The following HHIPL2 variants were observed in gnomAD, a reference collection of about 807,000 sequenced individuals.
HHIPL2 encodes HHIP-like protein 2.
HHIPL2 carries 61 observed loss-of-function variants against 61.0 expected under a neutral mutation model. The ratio of observed to expected loss-of-function variants is 1.00; its 90% CI spans 0.81 to 1.24. The LOEUF (loss-of-function observed/expected upper bound fraction) is 1.24. Ranked by LOEUF, HHIPL2 falls within the 50% of genes most tolerant of loss-of-function variation. The probability of loss-of-function intolerance (pLI) is 0.00; values close to 1 mark genes in which losing one functional copy is unlikely to be tolerated. For synonymous variants in HHIPL2, 343 were observed against 357.4 expected (o/e 0.96, Z 0.45); for missense variants, 885 against 910.2 (o/e 0.97, Z 0.36).
chr1:222,538,244 G>GTGTGTC (rs1553270691), intron 5 of HHIPL2, among the ~76,000 whole-genome samples: 1 of 148,588 alleles, frequency 6.7e-6, no homozygotes, highest in Non-Finnish European at 1.5e-5. Context: ...GTGTGTGTGT[G>GTGTGTC]TGTGTATGTA....
chr1:222,535,251 G>C (rs1227722708), intron 5 of HHIPL2, among the ~76,000 whole-genome samples: 3 of 151,938 alleles, frequency 2.0e-5, no homozygotes, highest in African/African-American at 7.3e-5. Flanking sequence ...CAAAAATGAA[G>C]GCAAAATAAA....
At position 222,522,575 on chromosome 1, in the gene HHIPL2, C is replaced by T; in HGVS notation, c.*26G>A. Reference sequence around the variant, plus strand: ...GAGGTGGCTCTCCTCTCTCACGTCACCCTGTCGGCCACCTTGACCAATAGG... The same window carrying T: ...GAGGTGGCTCTCCTCTCTCACGTCATCCTGTCGGCCACCTTGACCAATAGG... On this transcript the variant is annotated 3_prime_UTR_variant, in exon 9 of 9. Transcript: ENST00000343410. 1 of 1,603,456 alleles carries T rather than the reference C, an allele frequency of 6.2e-7. No homozygotes were observed. Among genetic ancestry groups the T allele is most frequent in the Non-Finnish European group, 8.5e-7 (1 of 1,177,068 alleles).
intron 2 of HHIPL2, 91 bp from the exon 3 acceptor site, chr1:222,542,246 AC>A: frequency 6.7e-7 from 1 of 1,484,454 alleles, no homozygotes; most frequent in East Asian, 2.4e-5. Context: ...GGGCCAAGCC[AC>A]CGAGATTTGC....
chr1:222,528,219 A>C (rs151216788), intron 6 of HHIPL2, among the ~76,000 whole-genome samples: 148 of 152,162 alleles, frequency 9.7e-4, no homozygotes, highest in African/African-American at 3.5e-3. Context: ...ATCTTGGGAG[A>C]CCTCTTCACC....
chr1:222,543,592 T>C lies in HHIPL2; in HGVS notation c.919A>G (p.Ser307Gly). The C allele has an allele frequency of 5.6e-6, 9 of 1,614,208 alleles. No individual in the cohort carries two copies. The highest frequency in any genetic ancestry group is 7.6e-6 in the Non-Finnish European group (9 of 1,180,042). The change falls in exon 2 of 9, where the codon AGT (serine) becomes GGT (glycine). Residue 307 changes from serine (S) to glycine (G), a missense_variant. Ser to Gly is a moderately conservative substitution (Grantham distance 56). Transcript: ENST00000343410. The stretch of plus-strand genomic sequence containing the variant: ...TCAGCCCGAGAAACCTTCATCTCAC[T>C]AATTCGGATCTTTTCTACCTTCTTC... ...DKKKVEKIRI[S>G]EMKVSRADPN...
At chr1:222,532,194 T>C in intron 5 of HHIPL2, 83 bp from the exon 6 acceptor site, 1 of 1,318,008 alleles carries the variant, frequency 7.6e-7, no homozygotes, top group South Asian at 1.4e-5. Context: ...CAGAGATCCC[T>C]GAGTACTAGG....
At chr1:222,527,169 G>T in intron 6 of HHIPL2, 119 bp from the exon 7 acceptor site, 1 of 730,864 alleles carries the variant, frequency 1.4e-6, no homozygotes, top group Non-Finnish European at 2.3e-6. Context: ...TGAGCGCCAA[G>T]AACGGAATCC....
intron 3 of HHIPL2, 99 bp from the exon 4 acceptor site, chr1:222,540,440 G>T: frequency 1.1e-6 from 1 of 906,086 alleles, no homozygotes; most frequent in Admixed American, 2.7e-5. Context: ...CTGATGCCAA[G>T]AGACTGCTAA....
At chr1:222,547,029 C>G (rs1356570667) in intron 1 of HHIPL2, among the ~76,000 whole-genome samples, 1 of 152,256 alleles carries the variant, frequency 6.6e-6, no homozygotes, top group African/African-American at 2.4e-5. Context: ...CCCAAACACC[C>G]TCTTCCTACA....
At chr1:222,538,841 G>C (rs551707193) in intron 4 of HHIPL2, 67 bp from the exon 5 acceptor site, 1 of 1,570,930 alleles carries the variant, frequency 6.4e-7, no homozygotes, top group South Asian at 1.2e-5. Context: ...GGAGGAAGAA[G>C]GGGACTTTTT....
At chr1:222,538,198 GTGT>G (rs1659343347) in intron 5 of HHIPL2, among the ~76,000 whole-genome samples, 2 of 34,272 alleles carry the variant, frequency 5.8e-5, no homozygotes, top group Non-Finnish European at 4.9e-5. Context: ...TGGCTGGGGT[GTGT>G]GTGTGTGTGT....
chr1:222,533,170 G>T (rs1246333533), intron 5 of HHIPL2, among the ~76,000 whole-genome samples: 1 of 152,096 alleles, frequency 6.6e-6, no homozygotes, highest in Non-Finnish European at 1.5e-5. Flanking sequence ...TTCGAGACCA[G>T]CCTGACCAAC....
At chr1:222,537,585 TCG>T (rs1659328418) in intron 5 of HHIPL2, among the ~76,000 whole-genome samples, 1 of 148,498 alleles carries the variant, frequency 6.7e-6, no homozygotes. Flanking sequence ...TGAGCCGAGA[TCG>T]CACCACTGCA....
intron 6 of HHIPL2, among the ~76,000 whole-genome samples, chr1:222,530,128 G>C (rs780612949): frequency 6.6e-6 from 1 of 152,080 alleles, no homozygotes; most frequent in African/African-American, 2.4e-5. Flanking sequence ...ATTCAGCCAA[G>C]GACTGTGTTT....
intron 2 of HHIPL2, 62 bp from the exon 3 acceptor site, chr1:222,542,217 G>C: frequency 6.3e-7 from 1 of 1,577,408 alleles, no homozygotes; most frequent in Non-Finnish European, 8.6e-7. Flanking sequence ...GCATCCTCTT[G>C]AGATACCCAG....
At position 222,538,706 on chromosome 1, in the gene HHIPL2, G is replaced by A. The variant is rs769291954; in HGVS notation, c.1519C>T (p.Arg507Cys). ...GKSVTGGYVY[R>C]GCESPNLNGL... is the part of the protein sequence containing the mutation. ...TTGAGATTTGGGGATTCACAACCAC[G>A]ATAGACATAACCTCCAGTGACTGAC... Residue 507 changes from arginine (R) to cysteine (C), a missense_variant, in exon 5 of 9, where the codon CGT becomes TGT. Transcript: ENST00000343410. 6.8e-6 allele frequency: 11 copies of A among 1,613,848 alleles called. No individual in the cohort carries two copies. The highest frequency in any genetic ancestry group is 4.5e-5 in the East Asian group (2 of 44,878).
chr1:222,530,140 G>A (rs1659157986), intron 6 of HHIPL2, among the ~76,000 whole-genome samples: 1 of 151,566 alleles, frequency 6.6e-6, no homozygotes, highest in Non-Finnish European at 1.5e-5. Flanking sequence ...ACTGTGTTTT[G>A]TTTGCCAGAT....
chr1:222,537,576 G>A (rs1390245827), intron 5 of HHIPL2, among the ~76,000 whole-genome samples: 2 of 150,646 alleles, frequency 1.3e-5, no homozygotes, highest in Admixed American at 6.6e-5. Flanking sequence ...AGCTTGCAGT[G>A]AGCCGAGATC....
At chr1:222,533,090 T>C (rs1659226206) in intron 5 of HHIPL2, among the ~76,000 whole-genome samples, 1 of 152,122 alleles carries the variant, frequency 6.6e-6, no homozygotes, top group Non-Finnish European at 1.5e-5. Flanking sequence ...TGTGAATGGG[T>C]GCAGTGGCTT....
Sources: gnomAD v4.1 joint callset for allele counts (sites outside exome capture counted in the v4.1 genomes callset) on GRCh38, gnomAD v4.1.1 for gene constraint, MANE v1.5 for transcripts, NCBI Gene and HGNC (gene_info 2026-07-23, HGNC 2026-07-21) for gene names.